Variants in HIBADH observed in about 807,000 individuals in gnomAD.
HIBADH encodes 3-hydroxyisobutyrate dehydrogenase.
A neutral mutation model predicts 36.1 loss-of-function variants in HIBADH; 25 were observed. That is an observed-to-expected ratio of 0.69 (90% CI 0.50 to 0.97). The LOEUF (loss-of-function observed/expected upper bound fraction) is 0.97. HIBADH is among the 50% of genes least tolerant of loss of function. The probability of loss-of-function intolerance (pLI) is 0.00; values close to 1 mark genes in which losing one functional copy is unlikely to be tolerated. For synonymous variants in HIBADH, 160 were observed against 149.5 expected, an observed-to-expected ratio of 1.07 and a Z score of -0.51; for missense variants, 421 against 418.0, an observed-to-expected ratio of 1.01 and a Z score of -0.06.
chr7:27,614,113 T>C (rs1785383437), intron 4 of HIBADH, among the ~76,000 whole-genome samples: 1 of 152,214 alleles, frequency 6.6e-6, no homozygotes, highest in African/African-American at 2.4e-5. Context: ...GAGTTCCATT[T>C]CTGCTTGTTA....
intron 6 of HIBADH, among the ~76,000 whole-genome samples, chr7:27,532,884 G>A (rs1240497336): frequency 1.3e-5 from 2 of 152,112 alleles, no homozygotes; most frequent in Non-Finnish European, 2.9e-5. Flanking sequence ...TATCACTTAG[G>A]AAAAGATAAA....
chr7:27,621,203 C>T (rs932399345), intron 4 of HIBADH, among the ~76,000 whole-genome samples: 1 of 151,984 alleles, frequency 6.6e-6, no homozygotes, highest in Non-Finnish European at 1.5e-5. Context: ...TATATATGCA[C>T]CCAACACTGG....
chr7:27,583,439 CAAAAAAACT>C (rs1784819974), intron 4 of HIBADH, among the ~76,000 whole-genome samples: 1 of 10,072 alleles, frequency 9.9e-5, no homozygotes, highest in Non-Finnish European at 1.6e-4. Flanking sequence ...ATGACAACTT[CAAAAAAACT>C]TTTTCTACCT....
intron 4 of HIBADH, among the ~76,000 whole-genome samples, chr7:27,599,911 A>G (rs1253365571): frequency 1.3e-5 from 2 of 152,118 alleles, no homozygotes; most frequent in African/African-American, 2.4e-5. Flanking sequence ...AGACATAAGT[A>G]AAAGGAATGC....
At chr7:27,588,126 A>C (rs1455491462) in intron 4 of HIBADH, among the ~76,000 whole-genome samples, 2 of 152,196 alleles carry the variant, frequency 1.3e-5, no homozygotes, top group Non-Finnish European at 2.9e-5. Context: ...TTAACTGTTG[A>C]TTACAAAACT....
chr7:27,662,841 A>C lies in HIBADH; in HGVS notation c.-53T>G. ...ACCTCCGCCGCCTCCCGGAGGGCCC[A>C]CAGACTGCGAGCGTGTGCAGCGGGA... On this transcript the variant is annotated 5_prime_UTR_variant, in exon 1 of 8. Coordinates refer to ENST00000265395, the MANE Select transcript of HIBADH (RefSeq NM_152740.4). 1.5e-6 allele frequency: 2 copies of C among 1,354,468 alleles called. No homozygotes were observed. Among genetic ancestry groups the C allele is most frequent in the Non-Finnish European group, 2.0e-6 (2 of 1,019,216 alleles). 83.9% of individuals were successfully genotyped at this position (1,354,468 alleles called of 1,614,324 possible).
intron 2 of HIBADH, among the ~76,000 whole-genome samples, chr7:27,639,440 G>T (rs550694690): frequency 1.1e-4 from 16 of 152,098 alleles, no homozygotes; most frequent in African/African-American, 3.9e-4. Flanking sequence ...ACTACCTGAG[G>T]GGGGAGGGAG....
intron 1 of HIBADH, among the ~76,000 whole-genome samples, chr7:27,658,561 C>T (rs1218044099): frequency 2.0e-5 from 3 of 152,062 alleles, no homozygotes; most frequent in Non-Finnish European, 4.4e-5. Flanking sequence ...AAATTGGTAA[C>T]AAGTTAATTA....
intron 2 of HIBADH, among the ~76,000 whole-genome samples, chr7:27,638,986 C>G (rs1785908277): frequency 6.6e-6 from 1 of 152,136 alleles, no homozygotes; most frequent in Non-Finnish European, 1.5e-5. Flanking sequence ...TTATACACCG[C>G]TGGTGGGAAT....
At position 27,619,732 on chromosome 7, in the gene HIBADH, T is replaced by C. The variant is rs187813725; in HGVS notation, c.484+9639A>G. 6.6e-4 allele frequency among the ~76,000 whole-genome samples: 101 copies of C among 152,212 alleles called. 1 individual carries two copies. The highest frequency in any genetic ancestry group is 2.2e-3 in the African/African-American group (90 of 41,554). On this transcript the variant is annotated intron_variant, in intron 4 of 7. Transcript: ENST00000265395. ...AAGGAGAAGATAAAAAGCTCAGAAC[T>C]TGAAGATAGATTTTTTGAAATAATG...
chr7:27,595,435 T>C (rs1785015640), intron 4 of HIBADH, among the ~76,000 whole-genome samples: 1 of 152,192 alleles, frequency 6.6e-6, no homozygotes, highest in African/African-American at 2.4e-5. Context: ...TGAGAATCAT[T>C]TGAACCTGGG....
At chr7:27,662,150 G>A (rs181334339) in intron 1 of HIBADH, among the ~76,000 whole-genome samples, 9 of 152,298 alleles carry the variant, frequency 5.9e-5, no homozygotes, top group African/African-American at 1.9e-4. Flanking sequence ...CCGTCTTGCT[G>A]GTCAAGGGTG....
chr7:27,579,799 G>T (rs1478736402), intron 4 of HIBADH, among the ~76,000 whole-genome samples: 1 of 152,234 alleles, frequency 6.6e-6, no homozygotes, highest in East Asian at 1.9e-4. Context: ...CTATTTTAGG[G>T]TTGTCCTACA....
intron 2 of HIBADH, among the ~76,000 whole-genome samples, chr7:27,643,945 C>A (rs542667387): frequency 9.1e-4 from 139 of 152,296 alleles, no homozygotes; most frequent in African/African-American, 3.2e-3. Context: ...TTAGGGTCCA[C>A]CCTAAATCCA....
chr7:27,538,053 T>C (rs1784092361), intron 6 of HIBADH, among the ~76,000 whole-genome samples: 1 of 152,176 alleles, frequency 6.6e-6, no homozygotes, highest in Non-Finnish European at 1.5e-5. Context: ...TATTTCAACA[T>C]AATAGAAGAA....
intron 2 of HIBADH, among the ~76,000 whole-genome samples, chr7:27,636,621 G>C (rs1430230415): frequency 6.6e-6 from 1 of 152,166 alleles, no homozygotes; most frequent in Non-Finnish European, 1.5e-5. Flanking sequence ...TTTTTAAAGA[G>C]AAAACAAAAG....
chr7:27,657,229 A>C (rs1180131101), intron 1 of HIBADH, among the ~76,000 whole-genome samples: 1 of 152,202 alleles, frequency 6.6e-6, no homozygotes, highest in Non-Finnish European at 1.5e-5. Flanking sequence ...TTATCCAGAA[A>C]TACAACAAGA....
Position 27,558,196 on chromosome 7 carries a change from A to G in HIBADH, c.485-15096T>C, listed in dbSNP as rs1234719115. On this transcript the variant is annotated intron_variant, in intron 4 of 7. Coordinates refer to ENST00000265395, the MANE Select transcript of HIBADH (RefSeq NM_152740.4). ...AAAGACCAGTTCTTGGTTTTATTCA[A>G]TGACTCTATTTTTCTTGTTGTTAAC... Among the ~76,000 whole-genome samples the G allele has an allele frequency of 3.9e-5, 6 of 152,120 alleles. No individual in the cohort carries two copies. In the East Asian group the frequency reaches 1.2e-3, roughly 29 times the overall value.
chr7:27,612,947 A>G (rs1279211061), intron 4 of HIBADH, among the ~76,000 whole-genome samples: 72 of 139,860 alleles, frequency 5.1e-4, no homozygotes, highest in African/African-American at 1.8e-3. Context: ...TCTCCAAAAA[A>G]ATATATATAT....
Sources: gnomAD v4.1 joint callset for allele counts (sites outside exome capture counted in the v4.1 genomes callset) on GRCh38, gnomAD v4.1.1 for gene constraint, MANE v1.5 for transcripts, NCBI Gene and HGNC (gene_info 2026-07-23, HGNC 2026-07-21) for gene names.